The following AMBRA1 variants were observed in gnomAD, a reference collection of about 807,000 sequenced individuals.
AMBRA1 encodes the protein activating molecule in BECN1-regulated autophagy protein 1.
In AMBRA1, 47 loss-of-function variants were observed where a neutral mutation model predicts 125.4. The ratio of observed to expected loss-of-function variants is 0.37; its 90% CI spans 0.30 to 0.48. AMBRA1 has a LOEUF of 0.48. Ranked by LOEUF, AMBRA1 falls within the 20% of genes least tolerant of loss-of-function variation. AMBRA1 has a pLI of 0.99. For missense variants in AMBRA1, 1,331 were observed against 1,693.4 expected (o/e 0.79, Z 3.76); for synonymous variants, 626 against 655.5 (o/e 0.95, Z 0.69).
chr11:46,557,314 A>AG (rs1006887745), intron 1 of AMBRA1, among the ~76,000 whole-genome samples: 3 of 151,548 alleles, frequency 2.0e-5, no homozygotes, highest in African/African-American at 7.3e-5. Flanking sequence ...AAAAAAAAAA[A>AG]AAAGAAAGAA....
At chr11:46,547,434 T>G in intron 3 of AMBRA1, 138 bp from the exon 4 acceptor site, 1 of 737,116 alleles carries the variant, frequency 1.4e-6, no homozygotes, top group East Asian at 2.7e-5. Flanking sequence ...TGTTAGGCAG[T>G]ATATCTACAA....
chr11:46,558,317 G>A lies in AMBRA1; in HGVS notation c.-120-9817C>T, dbSNP rs149935573. ...TGTAATCCCAGCACTTTGGGAGGCC[G>A]AGGCAGGCAGATCACGAGGTCAGGA... On this transcript the variant is annotated intron_variant, in intron 1 of 17. Coordinates refer to ENST00000683756, the MANE Select transcript of AMBRA1 (RefSeq NM_001387011.1). Among the ~76,000 whole-genome samples, 411 of 152,136 alleles carry A rather than the reference G, an allele frequency of 2.7e-3. 2 individuals are homozygous for A. Among genetic ancestry groups the A allele is most frequent in the African/African-American group, 9.5e-3 (396 of 41,498 alleles).
At chr11:46,533,875 C>T (rs1952333601) in intron 7 of AMBRA1, among the ~76,000 whole-genome samples, 1 of 151,908 alleles carries the variant, frequency 6.6e-6, no homozygotes, top group Non-Finnish European at 1.5e-5. Context: ...TTCTATCACT[C>T]CATCCCTTGC....
chr11:46,522,521 GA>G (rs1207283082), intron 7 of AMBRA1, among the ~76,000 whole-genome samples: 1 of 150,724 alleles, frequency 6.6e-6, no homozygotes, highest in East Asian at 1.9e-4. Flanking sequence ...AAATCTATGG[GA>G]AAAAAAAAGG....
chr11:46,404,138 G>A (rs1424991260), intron 17 of AMBRA1, among the ~76,000 whole-genome samples: 3 of 152,232 alleles, frequency 2.0e-5, no homozygotes, highest in African/African-American at 2.4e-5. Flanking sequence ...GCAGTGAGCC[G>A]TGTTCGTGTC....
chr11:46,563,629 C>T (rs369653074), intron 1 of AMBRA1, among the ~76,000 whole-genome samples: 1 of 152,236 alleles, frequency 6.6e-6, no homozygotes, highest in East Asian at 1.9e-4. Context: ...CACTTGAAGT[C>T]AGGAGTTTGA....
chr11:46,581,479 C>T (rs1418390228), intron 1 of AMBRA1, among the ~76,000 whole-genome samples: 4 of 151,996 alleles, frequency 2.6e-5, no homozygotes, highest in African/African-American at 4.8e-5. Flanking sequence ...TGGTGGTAGG[C>T]GCCTGTAGTC....
At chr11:46,537,733 C>G (rs1359478260) in intron 7 of AMBRA1, among the ~76,000 whole-genome samples, 1 of 152,220 alleles carries the variant, frequency 6.6e-6, no homozygotes, top group Non-Finnish European at 1.5e-5. Context: ...CACTGAAATA[C>G]ACACTGTATG....
In AMBRA1 at chr11:46,543,967, TAA is replaced by T; in HGVS notation, c.618+6_618+7del. On this transcript the variant is annotated splice_donor_region_variant and intron_variant, in intron 6 of 17. Coordinates refer to ENST00000683756, the MANE Select transcript of AMBRA1 (RefSeq NM_001387011.1). Reference sequence around the variant, plus strand: ...TTAGCTGGAATTGGAACTGCTGGACTAACTTACCTGTTGATTAGAGGGGTTAA... The same window carrying T: ...TTAGCTGGAATTGGAACTGCTGGACTCTTACCTGTTGATTAGAGGGGTTAA... 1 of 1,612,132 alleles carries T rather than the reference TAA, an allele frequency of 6.2e-7. No individual in the cohort carries two copies. Among genetic ancestry groups the T allele is most frequent in the Non-Finnish European group, 8.5e-7 (1 of 1,178,402 alleles).
chr11:46,489,955 A>G (rs887697328), intron 11 of AMBRA1, among the ~76,000 whole-genome samples: 1 of 152,200 alleles, frequency 6.6e-6, no homozygotes, highest in Admixed American at 6.5e-5. Context: ...TCACAGTGAT[A>G]TTGGGCAAGT....
chr11:46,472,510 C>T (rs1438317508), intron 11 of AMBRA1, among the ~76,000 whole-genome samples: 2 of 152,214 alleles, frequency 1.3e-5, no homozygotes, highest in Admixed American at 6.5e-5. Context: ...GTAAGTACCA[C>T]ACCCTCACCT....
At chr11:46,538,655 T>C (rs1952599760) in intron 7 of AMBRA1, among the ~76,000 whole-genome samples, 2 of 152,104 alleles carry the variant, frequency 1.3e-5, no homozygotes, top group Non-Finnish European at 2.9e-5. Flanking sequence ...CCACCATGCC[T>C]GGCTAATTTT....
intron 1 of AMBRA1, among the ~76,000 whole-genome samples, chr11:46,564,573 A>G (rs992749629): frequency 1.2e-4 from 18 of 152,108 alleles, no homozygotes; most frequent in African/African-American, 4.3e-4. Flanking sequence ...ATACAGAAAA[A>G]GAAAAAAAAA....
intron 7 of AMBRA1, among the ~76,000 whole-genome samples, chr11:46,524,514 A>T (rs1458334337): frequency 1.3e-5 from 2 of 152,196 alleles, no homozygotes; most frequent in Non-Finnish European, 2.9e-5. Flanking sequence ...TTAGTGTTTG[A>T]GCCTTAGAAT....
chr11:46,473,349 C>T (rs1949679950), intron 11 of AMBRA1, among the ~76,000 whole-genome samples: 1 of 152,204 alleles, frequency 6.6e-6, no homozygotes, highest in South Asian at 2.1e-4. Context: ...AGCCTGTGTA[C>T]ATCTGGTTTG....
intron 11 of AMBRA1, among the ~76,000 whole-genome samples, chr11:46,485,926 G>A (rs1329532595): frequency 1.3e-5 from 2 of 152,142 alleles, no homozygotes; most frequent in African/African-American, 4.8e-5. Context: ...GAAAGGACTC[G>A]AATGCTCCAG....
chr11:46,544,122 A>T, intron 5 of AMBRA1, 81 bp from the exon 6 acceptor site: 1 of 1,138,486 alleles, frequency 8.8e-7, no homozygotes, highest in Non-Finnish European at 1.3e-6. Context: ...GTTTGAATTT[A>T]TAGCAATCAT....
At chr11:46,571,067 T>C (rs1342190437) in intron 1 of AMBRA1, among the ~76,000 whole-genome samples, 2 of 152,206 alleles carry the variant, frequency 1.3e-5, no homozygotes, top group Non-Finnish European at 2.9e-5. Context: ...ACTCCAGCTA[T>C]CTTCCCAAAA....
chr11:46,431,373 C>T (rs1947450786), intron 14 of AMBRA1, among the ~76,000 whole-genome samples: 2 of 152,240 alleles, frequency 1.3e-5, no homozygotes, highest in Non-Finnish European at 2.9e-5. Flanking sequence ...CTTGGCAGGA[C>T]AGCCAGGGGC....
Sources: allele counts gnomAD v4.1 joint callset (sites outside exome capture counted in the v4.1 genomes callset), GRCh38; gene constraint gnomAD v4.1.1; transcripts MANE v1.5; gene names NCBI Gene and HGNC (gene_info 2026-07-23, HGNC 2026-07-21).